ARHGAP19: variants seen among roughly 807,000 people sequenced by gnomAD.
ARHGAP19 encodes the protein rho GTPase-activating protein 19.
ARHGAP19 carries 48 observed loss-of-function variants against 60.9 expected under a neutral mutation model. The ratio of observed to expected loss-of-function variants is 0.79; its 90% CI spans 0.62 to 1.00. The LOEUF (loss-of-function observed/expected upper bound fraction) is 1.00, where lower values mean the gene tolerates loss of function less well. Ranked by LOEUF, ARHGAP19 falls within the 50% of genes least tolerant of loss-of-function variation. The pLI is 0.00. For missense variants in ARHGAP19, 562 were observed against 597.2 expected (o/e 0.94, Z 0.61); for synonymous variants, 209 against 215.5 (o/e 0.97, Z 0.27).
chr10:97,244,344 A>G (rs1842532543), intron 7 of ARHGAP19, among the ~76,000 whole-genome samples, 185 bp from the exon 8 acceptor site: 1 of 152,202 alleles, frequency 6.6e-6, no homozygotes, highest in African/African-American at 2.4e-5. Flanking sequence ...TTATATTAAT[A>G]GCCCACTCCC....
intron 1 of ARHGAP19, among the ~76,000 whole-genome samples, chr10:97,291,405 C>T (rs543764290): frequency 1.6e-4 from 25 of 152,288 alleles, no homozygotes; most frequent in African/African-American, 5.1e-4. Context: ...CTGCAACCTC[C>T]GCCTCAACCT....
intron 8 of ARHGAP19, among the ~76,000 whole-genome samples, chr10:97,238,228 C>T (rs376653982): frequency 3.5e-4 from 53 of 152,078 alleles, no homozygotes; most frequent in African/African-American, 1.1e-3. Context: ...TTTTTAGAGA[C>T]GGGGTCTCGC....
intron 6 of ARHGAP19, among the ~76,000 whole-genome samples, chr10:97,254,618 G>C (rs1421384115): frequency 1.3e-5 from 2 of 152,130 alleles, no homozygotes; most frequent in African/African-American, 4.8e-5. Context: ...TCATGACAAT[G>C]GATGTGGCAG....
In ARHGAP19 at chr10:97,226,018, T is replaced by C. The variant is rs1850888199; in HGVS notation, c.*104A>G. The C allele has an allele frequency of 7.7e-6, 10 of 1,299,366 alleles. No homozygotes were observed. The Admixed American group carries it at 1.6e-4, about 20-fold the overall frequency. 80.5% of individuals were successfully genotyped at this position (1,299,366 alleles called of 1,614,324 possible). On this transcript the variant is annotated 3_prime_UTR_variant, in exon 12 of 12. Transcript: ENST00000358531. ...ATTAGTTGGCTTTGACAATTCAAAA[T>C]GCAGCAAGCAAGCTGCAAGTCCAAG... is the stretch of plus-strand genomic sequence containing the variant.
chr10:97,285,864 A>C (rs1843147995), intron 1 of ARHGAP19, among the ~76,000 whole-genome samples: 1 of 152,180 alleles, frequency 6.6e-6, no homozygotes, highest in Non-Finnish European at 1.5e-5. Flanking sequence ...CAGATTTCCT[A>C]TATCACTCTT....
rs1843035657 is a variant in ARHGAP19 at position 97,277,624 on chromosome 10, A to T, written c.57-11499T>A. Reference sequence around the variant, plus strand: ...AATAAATTAAAAAAAATAAATAAATAAATAAAAAAAATAAAATAAAGCACT... The same window carrying T: ...AATAAATTAAAAAAAATAAATAAATTAATAAAAAAAATAAAATAAAGCACT... On this transcript the variant is annotated intron_variant, in intron 1 of 11. Transcript: ENST00000358531. 2 of 150,008 alleles carry T rather than the reference A, an allele frequency of 1.3e-5. 1 individual carries two copies. The highest frequency in any genetic ancestry group is 4.9e-5 in the African/African-American group (2 of 40,688). 9.3% of individuals were successfully genotyped at this position (150,008 alleles called of 1,614,324 possible).
At chr10:97,264,720 C>T (rs1842875422) in intron 3 of ARHGAP19, 106 bp downstream of exon 3, 10 of 733,950 alleles carry the variant, frequency 1.4e-5, no homozygotes, top group Non-Finnish European at 2.1e-5. Context: ...TGGTTAGTTC[C>T]TTTGTTGATG....
chr10:97,235,493 A>G (rs981473341), intron 8 of ARHGAP19, among the ~76,000 whole-genome samples, 178 bp from the exon 9 acceptor site: 1 of 152,176 alleles, frequency 6.6e-6, no homozygotes, highest in Non-Finnish European at 1.5e-5. Context: ...AAAGAAGTGG[A>G]TTCAAGTGCT....
At chr10:97,258,716 T>C (rs952185137) in intron 5 of ARHGAP19, 2 of 152,742 alleles carry the variant, frequency 1.3e-5, no homozygotes, top group Admixed American at 6.6e-5. Context: ...GAGTAGTGAT[T>C]GTGTTACTCT....
At chr10:97,248,166 C>T (rs892606271) in intron 6 of ARHGAP19, among the ~76,000 whole-genome samples, 7 of 151,948 alleles carry the variant, frequency 4.6e-5, no homozygotes, top group Non-Finnish European at 5.9e-5. Context: ...GGTTTCACCC[C>T]GCCTTTGGGA....
At chr10:97,241,391 T>TA (rs993482970) in intron 8 of ARHGAP19, among the ~76,000 whole-genome samples, 7 of 127,848 alleles carry the variant, frequency 5.5e-5, no homozygotes, top group East Asian at 4.7e-4. Context: ...ACTCCATCTT[T>TA]AAAAAAAAGA....
intron 9 of ARHGAP19, among the ~76,000 whole-genome samples, chr10:97,234,415 TAAA>T (rs10592924): frequency 0.47 from 58,629 of 124,382 alleles, 14,253 homozygotes; most frequent in East Asian, 0.69. Context: ...AAATAAAAAT[TAAA>T]AAAAAAAAAA....
intron 6 of ARHGAP19, among the ~76,000 whole-genome samples, chr10:97,255,521 G>C (rs1842741286): frequency 6.6e-6 from 1 of 152,030 alleles, no homozygotes. Flanking sequence ...AGGCTGCAGT[G>C]AGCCAAGACT....
intron 7 of ARHGAP19, among the ~76,000 whole-genome samples, chr10:97,244,643 T>G (rs1011449816): frequency 3.9e-5 from 6 of 152,108 alleles, no homozygotes; most frequent in Non-Finnish European, 4.4e-5. Flanking sequence ...ATACGACAAC[T>G]AGACAGCAGT....
At chr10:97,281,676 G>A (rs1182829429) in intron 1 of ARHGAP19, among the ~76,000 whole-genome samples, 3 of 152,158 alleles carry the variant, frequency 2.0e-5, no homozygotes, top group African/African-American at 4.8e-5. Flanking sequence ...TTCACTAAGT[G>A]CTACGCGATT....
intron 11 of ARHGAP19, 45 bp downstream of exon 11, chr10:97,229,102 A>G: frequency 2.0e-6 from 3 of 1,517,138 alleles, no homozygotes; most frequent in Non-Finnish European, 2.7e-6. Flanking sequence ...TAGATGCAGA[A>G]AGGAATTACA....
At chr10:97,239,551 GGTGT>G (rs201308961) in intron 8 of ARHGAP19, among the ~76,000 whole-genome samples, 2,908 of 19,964 alleles carry the variant, frequency 0.15, 165 homozygotes, top group African/African-American at 0.2. Context: ...AGAGAGAGAG[GGTGT>G]GTGTGTGTGT....
intron 5 of ARHGAP19, among the ~76,000 whole-genome samples, chr10:97,257,282 C>CTTTT (rs34047177): frequency 1.2e-5 from 1 of 81,618 alleles, no homozygotes; most frequent in African/African-American, 4.2e-5. Context: ...CTTTTAAATA[C>CTTTT]TTTTTTTTTT....
At chr10:97,278,256 A>G (rs1342273564) in intron 1 of ARHGAP19, among the ~76,000 whole-genome samples, 5 of 152,254 alleles carry the variant, frequency 3.3e-5, no homozygotes, top group Non-Finnish European at 7.3e-5. Context: ...ATCATCCCTG[A>G]AGGAAAAATC....
Sources: allele counts gnomAD v4.1 joint callset (sites outside exome capture counted in the v4.1 genomes callset), GRCh38; gene constraint gnomAD v4.1.1; transcripts MANE v1.5; gene names NCBI Gene and HGNC (gene_info 2026-07-23, HGNC 2026-07-21).